The following VAV3 variants were observed in gnomAD, a reference collection of about 807,000 sequenced individuals.
VAV3 encodes the protein guanine nucleotide exchange factor VAV3.
VAV3 carries 94 observed loss-of-function variants against 131.2 expected under a neutral mutation model. The observed-to-expected ratio is 0.72, with a 90% CI of 0.61 to 0.85. The LOEUF (loss-of-function observed/expected upper bound fraction) is 0.85, where lower values mean the gene tolerates loss of function less well. Among genes scored for constraint, VAV3 ranks in the 40% least tolerant of loss-of-function variants. The pLI is 0.00. For synonymous variants in VAV3, 349 were observed against 342.0 expected, an observed-to-expected ratio of 1.02 and a Z score of -0.22; for missense variants, 939 against 1,002.7, an observed-to-expected ratio of 0.94 and a Z score of 0.86.
chr1:107,914,695 A>G (rs933649521), intron 1 of VAV3, among the ~76,000 whole-genome samples: 2 of 152,236 alleles, frequency 1.3e-5, no homozygotes, highest in East Asian at 1.9e-4. Flanking sequence ...TACAAACTCT[A>G]TAATTAAATT....
rs571516871 is a variant in VAV3 at position 107,964,578 on chromosome 1, T to C, written c.204+88A>G. 9.4e-5 allele frequency: 134 copies of C among 1,428,682 alleles called. 1 individual carries two copies. In the East Asian group the frequency reaches 2.0e-3, roughly 21 times the overall value. 88.5% of individuals were successfully genotyped at this position (1,428,682 alleles called of 1,614,324 possible). A position where few individuals can be genotyped will look rare whatever the true frequency, so the allele number is the denominator to read the frequency against. On this transcript the variant is annotated intron_variant, in intron 1 of 26. Coordinates refer to ENST00000370056, the MANE Select transcript of VAV3 (RefSeq NM_006113.5). ...GGAAGCAGGGCAAGCTCAGCGCACC[T>C]AGACGTTTGCATTTACACAAAGAAA...
chr1:107,734,776 CT>C (rs1662487512), intron 15 of VAV3, among the ~76,000 whole-genome samples: 1 of 152,158 alleles, frequency 6.6e-6, no homozygotes, highest in South Asian at 2.1e-4. Context: ...TAACACCCCA[CT>C]GTCAATATTA....
intron 1 of VAV3, among the ~76,000 whole-genome samples, chr1:107,925,525 T>C (rs1250172252): frequency 6.6e-6 from 1 of 152,194 alleles, no homozygotes; most frequent in African/African-American, 2.4e-5. Flanking sequence ...TTCTGCCATA[T>C]GCTACAACAT....
chr1:107,919,302 T>G (rs1461698678), intron 1 of VAV3, among the ~76,000 whole-genome samples: 2 of 152,226 alleles, frequency 1.3e-5, no homozygotes, highest in Non-Finnish European at 2.9e-5. Flanking sequence ...TGTGATTACA[T>G]TTAGAGGAAA....
At chr1:107,882,420 GCA>G (rs1328415980) in intron 1 of VAV3, among the ~76,000 whole-genome samples, 2 of 152,126 alleles carry the variant, frequency 1.3e-5, no homozygotes, top group African/African-American at 4.8e-5. Context: ...GTTTCGAAAG[GCA>G]CAGAAGAGAC....
chr1:107,766,010 T>C (rs1258770017), intron 8 of VAV3, among the ~76,000 whole-genome samples: 1 of 152,156 alleles, frequency 6.6e-6, no homozygotes, highest in Non-Finnish European at 1.5e-5. Flanking sequence ...TCTGCGAATC[T>C]AATACTCCAA....
intron 22 of VAV3, among the ~76,000 whole-genome samples, chr1:107,605,320 C>T (rs1652180263): frequency 6.6e-6 from 1 of 152,064 alleles, no homozygotes; most frequent in African/African-American, 2.4e-5. Context: ...GATTAATGAC[C>T]TTATCATAGG....
chr1:107,718,656 C>T (rs186718626), intron 15 of VAV3, among the ~76,000 whole-genome samples: 3 of 152,138 alleles, frequency 2.0e-5, no homozygotes, highest in Non-Finnish European at 4.4e-5. Flanking sequence ...AGATTCAATG[C>T]CATCCCCATC....
At chr1:107,777,335 C>A in intron 3 of VAV3, 39 bp from the exon 4 acceptor site, 1 of 1,582,170 alleles carries the variant, frequency 6.3e-7, no homozygotes, top group Non-Finnish European at 8.7e-7. Context: ...AAAAACAAAC[C>A]CATGAGTGAA....
intron 16 of VAV3, 44 bp downstream of exon 16, chr1:107,704,916 A>T (rs1047789097): frequency 3.9e-6 from 6 of 1,544,728 alleles, no homozygotes; most frequent in Non-Finnish European, 5.4e-6. Flanking sequence ...CTTAGCAATT[A>T]TATCAGTTCC....
chr1:107,949,580 T>A (rs1486037608), intron 1 of VAV3, among the ~76,000 whole-genome samples: 1 of 152,208 alleles, frequency 6.6e-6, no homozygotes, highest in East Asian at 1.9e-4. Flanking sequence ...ATGCTGGGAT[T>A]ATAGGCCTGA....
chr1:107,797,694 A>C (rs962569532), intron 2 of VAV3, among the ~76,000 whole-genome samples: 5 of 152,238 alleles, frequency 3.3e-5, no homozygotes, highest in African/African-American at 1.2e-4. Flanking sequence ...AAATCATGTT[A>C]TGCCTCAGTA....
Position 107,889,891 on chromosome 1 carries a change from G to T in VAV3, c.205-14874C>A, listed in dbSNP as rs912375355. Among the ~76,000 whole-genome samples the T allele has an allele frequency of 3.9e-5, 6 of 152,138 alleles. No individual in the cohort carries two copies. The South Asian group carries it at 1.2e-3, about 32-fold the overall frequency. ...ATAAAACATTTAATTCATTGAAATC[G>T]ATTTCACTGTGAACATTTGTCTCAA... is the stretch of plus-strand genomic sequence containing the variant. On this transcript the variant is annotated intron_variant, in intron 1 of 26. Transcript: ENST00000370056.
chr1:107,936,876 G>A (rs544593763), intron 1 of VAV3, among the ~76,000 whole-genome samples: 23 of 152,144 alleles, frequency 1.5e-4, no homozygotes, highest in South Asian at 1.0e-3. Flanking sequence ...CTCCTTCCCC[G>A]ACCGATCTTG....
chr1:107,906,620 C>T (rs1178241286), intron 1 of VAV3, among the ~76,000 whole-genome samples: 1 of 151,928 alleles, frequency 6.6e-6, no homozygotes, highest in African/African-American at 2.4e-5. Context: ...GAGCCAAGAT[C>T]GCGCCACTGC....
intron 20 of VAV3, among the ~76,000 whole-genome samples, chr1:107,633,220 A>T (rs1485681361): frequency 2.6e-5 from 4 of 152,194 alleles, no homozygotes; most frequent in Non-Finnish European, 4.4e-5. Context: ...AAGTTTTACA[A>T]ATCTAAGGTT....
At chr1:107,906,430 C>T (rs1433699395) in intron 1 of VAV3, among the ~76,000 whole-genome samples, 1 of 151,960 alleles carries the variant, frequency 6.6e-6, no homozygotes, top group Non-Finnish European at 1.5e-5. Flanking sequence ...TTTGGGAGGC[C>T]GAGGTGGGCG....
chr1:107,648,207 A>C (rs1655881819), intron 19 of VAV3, among the ~76,000 whole-genome samples: 1 of 152,092 alleles, frequency 6.6e-6, no homozygotes, highest in Admixed American at 6.6e-5. Context: ...GCACTGTCAC[A>C]GCTCATATAA....
At position 107,815,824 on chromosome 1, in the gene VAV3, C is replaced by A. The variant is rs550884932; in HGVS notation, c.322-36332G>T. On this transcript the variant is annotated intron_variant, in intron 2 of 26. Transcript: ENST00000370056. Reference sequence around the variant, plus strand: ...TTTGCCTAACACAACAGTCTCCAACCTTTTTGGTACCAGGGACCAGTTTTG... The same window carrying A: ...TTTGCCTAACACAACAGTCTCCAACATTTTTGGTACCAGGGACCAGTTTTG... 4.6e-5 allele frequency among the ~76,000 whole-genome samples: 7 copies of A among 152,202 alleles called. No individual in the cohort carries two copies. The South Asian group carries it at 1.5e-3, about 32-fold the overall frequency.
Sources: gnomAD v4.1 joint callset for allele counts (sites outside exome capture counted in the v4.1 genomes callset) on GRCh38, gnomAD v4.1.1 for gene constraint, MANE v1.5 for transcripts, NCBI Gene and HGNC (gene_info 2026-07-23, HGNC 2026-07-21) for gene names.